The following TUSC3 variants were observed in gnomAD, a reference collection of about 807,000 sequenced individuals.
TUSC3 encodes the protein dolichyl-diphosphooligosaccharide--protein glycosyltransferase subunit TUSC3.
In TUSC3, 45 loss-of-function variants were observed where a neutral mutation model predicts 44.8. The ratio of observed to expected loss-of-function variants is 1.00; its 90% CI spans 0.79 to 1.29. The LOEUF is 1.29. TUSC3 is among the 50% of genes most tolerant of loss of function. The probability of loss-of-function intolerance (pLI) is 0.00; values close to 1 mark genes in which losing one functional copy is unlikely to be tolerated. For synonymous variants in TUSC3, 212 were observed against 152.9 expected (o/e 1.39, Z -2.85); for missense variants, 519 against 437.9 (o/e 1.19, Z -1.65).
chr8:15,791,658 TTTC>T, the TUSC3 span, among the ~76,000 whole-genome samples: 1 of 152,322 alleles, frequency 6.6e-6, no homozygotes, highest in Non-Finnish European at 1.5e-5. Flanking sequence ...AACCATTTCC[TTTC>T]TTCTTGTCTC....
chr8:15,797,004 G>A, the TUSC3 span, among the ~76,000 whole-genome samples: 2 of 152,112 alleles, frequency 1.3e-5, no homozygotes, highest in South Asian at 2.1e-4. Context: ...TGCATTCACC[G>A]TTCCCATTGG....
At chr8:15,595,960 A>T (rs1026539078) in intron 1 of TUSC3, among the ~76,000 whole-genome samples, 4 of 152,172 alleles carry the variant, frequency 2.6e-5, no homozygotes, top group Non-Finnish European at 5.9e-5. Context: ...TCCCAAAGGT[A>T]TATCTTTAAC....
chr8:15,743,300 A>G, intron 7 of TUSC3: 1 of 520,096 alleles, frequency 1.9e-6, no homozygotes, highest in Non-Finnish European at 3.5e-6. Context: ...GAATTTAAGA[A>G]CCTTTGGAAT....
chr8:15,549,321 A>C (rs11779863), intron 1 of TUSC3, among the ~76,000 whole-genome samples: 2 of 151,364 alleles, frequency 1.3e-5, no homozygotes, highest in South Asian at 4.2e-4. Flanking sequence ...TTACAGGCGC[A>C]CGCCACCACA....
chr8:15,609,394 C>T (rs559889633), intron 1 of TUSC3, among the ~76,000 whole-genome samples: 67 of 152,270 alleles, frequency 4.4e-4, no homozygotes, highest in Non-Finnish European at 7.9e-4. Context: ...CCAAGAGAGG[C>T]AGGCCAGATG....
chr8:15,478,044 G>T (rs1376608753), intron 1 of TUSC3, among the ~76,000 whole-genome samples: 1 of 152,044 alleles, frequency 6.6e-6, no homozygotes, highest in Non-Finnish European at 1.5e-5. Context: ...TGCAAACTCT[G>T]CCTCCCAGGT....
chr8:15,468,091 T>C (rs971873294), intron 1 of TUSC3, among the ~76,000 whole-genome samples: 2 of 152,194 alleles, frequency 1.3e-5, no homozygotes, highest in African/African-American at 4.8e-5. Context: ...AGCTCTAAAG[T>C]ATTTCTGCTA....
intron 5 of TUSC3, 132 bp downstream of exon 5, chr8:15,662,428 C>G (rs1464831834): frequency 9.3e-6 from 12 of 1,290,932 alleles, no homozygotes; most frequent in Admixed American, 4.0e-5. Context: ...CTTTTTAGAA[C>G]TTGGATAATT....
chr8:15,740,276 A>G (rs1811132768), intron 7 of TUSC3, among the ~76,000 whole-genome samples: 1 of 152,128 alleles, frequency 6.6e-6, no homozygotes, highest in Non-Finnish European at 1.5e-5. Flanking sequence ...ATTAGGAGAA[A>G]AGGCTAGAAA....
intron 1 of TUSC3, among the ~76,000 whole-genome samples, chr8:15,616,719 G>A (rs749028494): frequency 1.6e-4 from 25 of 152,214 alleles, no homozygotes; most frequent in Non-Finnish European, 2.5e-4. Flanking sequence ...GTCCTTGGGG[G>A]CTCTGACCTC....
chr8:15,530,617 A>G (rs1801436845), intron 2 of TUSC3, among the ~76,000 whole-genome samples: 1 of 152,192 alleles, frequency 6.6e-6, no homozygotes. Flanking sequence ...TGATTAGAGT[A>G]GGGATTAAAA....
At chr8:15,661,782 G>T (rs191126645) in intron 4 of TUSC3, among the ~76,000 whole-genome samples, 1 of 137,708 alleles carries the variant, frequency 7.3e-6, no homozygotes, top group South Asian at 2.3e-4. Flanking sequence ...TTTTCTATAA[G>T]ATACTTACAG....
chr8:15,696,727 C>T (rs1809184807), intron 6 of TUSC3, among the ~76,000 whole-genome samples: 1 of 152,194 alleles, frequency 6.6e-6, no homozygotes, highest in Admixed American at 6.5e-5. Context: ...CACCTATGCT[C>T]ATCAGGGATA....
At chr8:15,673,442 A>C (rs1375996373) in intron 5 of TUSC3, among the ~76,000 whole-genome samples, 1 of 152,074 alleles carries the variant, frequency 6.6e-6, no homozygotes, top group East Asian at 1.9e-4. Context: ...TGACTGGCTC[A>C]GGTGAGCACA....
chr8:15,566,048 A>G (rs1802657183), intron 1 of TUSC3, among the ~76,000 whole-genome samples: 1 of 152,016 alleles, frequency 6.6e-6, no homozygotes, highest in African/African-American at 2.4e-5. Context: ...AGAGTAGTAC[A>G]TTTTCCTTGT....
the TUSC3 span, among the ~76,000 whole-genome samples, chr8:15,796,696 A>C: frequency 7.2e-5 from 11 of 152,180 alleles, no homozygotes; most frequent in African/African-American, 2.2e-4. Context: ...AGAAAGGGAG[A>C]CAAAGTTTCT....
At chr8:15,486,735 G>A (rs1019843593) in intron 2 of TUSC3, among the ~76,000 whole-genome samples, 5 of 152,044 alleles carry the variant, frequency 3.3e-5, no homozygotes, top group Non-Finnish European at 5.9e-5. Context: ...AAGCCACCGC[G>A]CCTGGCCTCC....
chr8:15,545,744 G>C (rs563112668), intron 1 of TUSC3, among the ~76,000 whole-genome samples: 5 of 151,712 alleles, frequency 3.3e-5, no homozygotes, highest in Non-Finnish European at 7.4e-5. Flanking sequence ...TCAAGCTAAA[G>C]AGTAATCAAC....
chr8:15,499,855 C>G (rs1800934910), intron 2 of TUSC3, among the ~76,000 whole-genome samples: 2 of 152,174 alleles, frequency 1.3e-5, no homozygotes, highest in South Asian at 4.1e-4. Flanking sequence ...AGTGTATGAG[C>G]CAAATCCTCA....
Sources: allele counts gnomAD v4.1 joint callset (sites outside exome capture counted in the v4.1 genomes callset), GRCh38; gene constraint gnomAD v4.1.1; transcripts MANE v1.5; gene names NCBI Gene and HGNC (gene_info 2026-07-23, HGNC 2026-07-21).